Variants in CAMSAP1 observed in about 807,000 individuals in gnomAD.
CAMSAP1 encodes the protein calmodulin regulated spectrin associated protein 1, also known as calmodulin-regulated spectrin-associated protein 1.
In CAMSAP1, 58 loss-of-function variants were observed where a neutral mutation model predicts 143.5. The observed-to-expected ratio is 0.40, with a 90% confidence interval of 0.33 to 0.50. The LOEUF is 0.50. CAMSAP1 is among the 20% of genes least tolerant of loss of function. The probability of loss-of-function intolerance (pLI) is 0.45; values close to 1 mark genes in which losing one functional copy is unlikely to be tolerated. For synonymous variants in CAMSAP1, 945 were observed against 859.3 expected, an observed-to-expected ratio of 1.10 and a Z score of -1.74; for missense variants, 1,969 against 2,115.7, an observed-to-expected ratio of 0.93 and a Z score of 1.36.
intron 1 of CAMSAP1, among the ~76,000 whole-genome samples, chr9:135,890,176 T>C (rs913771295): frequency 6.6e-6 from 1 of 151,810 alleles, no homozygotes; most frequent in African/African-American, 2.4e-5. Context: ...CCCACACCCA[T>C]GGAGGCTCCG....
At chr9:135,867,359 C>A (rs1837412841) in intron 3 of CAMSAP1, among the ~76,000 whole-genome samples, 1 of 152,054 alleles carries the variant, frequency 6.6e-6, no homozygotes, top group Admixed American at 6.5e-5. Flanking sequence ...GAGTCCTTTG[C>A]AAAGGACGAG....
intron 3 of CAMSAP1, among the ~76,000 whole-genome samples, chr9:135,875,051 G>A (rs1216756695): frequency 6.6e-6 from 1 of 152,100 alleles, no homozygotes; most frequent in Non-Finnish European, 1.5e-5. Flanking sequence ...GCATGTCTGT[G>A]GGCTGGAATA....
At chr9:135,841,013 T>C (rs979381847) in intron 7 of CAMSAP1, among the ~76,000 whole-genome samples, 3 of 152,004 alleles carry the variant, frequency 2.0e-5, no homozygotes, top group Non-Finnish European at 4.4e-5. Context: ...TTCATTCCCC[T>C]GGAAAGGGTG....
At chr9:135,892,058 A>G (rs903731961) in intron 1 of CAMSAP1, among the ~76,000 whole-genome samples, 2 of 152,228 alleles carry the variant, frequency 1.3e-5, no homozygotes, top group African/African-American at 4.8e-5. Context: ...AAAAGTTCCA[A>G]CACTGTCGGT....
At chr9:135,899,791 A>G (rs910209524) in intron 1 of CAMSAP1, among the ~76,000 whole-genome samples, 1 of 151,882 alleles carries the variant, frequency 6.6e-6, no homozygotes, top group South Asian at 2.1e-4. Flanking sequence ...TGATTCTCAC[A>G]CACCTAGACT....
In CAMSAP1 at chr9:135,823,953, GT is replaced by G. The variant is rs201838505; in HGVS notation, c.1396del (p.Thr466ProfsTer46). ...GAAIAWPEKKTRPASQPTPFA... is the reference protein window; with the variant it reads ...GAAIAWPEKKXRPASQPTPFA... ...CACTGCTGAAACACAGACTCACCTG[GT>G]TTTTTTTTCTGGCCAGGCTATTGCT... On this transcript the variant is annotated frameshift_variant, in exon 10 of 17. Transcript: ENST00000389532. LOFTEE classifies it high-confidence loss of function. 32 of 1,519,330 alleles carry G rather than the reference GT, an allele frequency of 2.1e-5. No homozygotes were observed. The highest frequency in any genetic ancestry group is 1.7e-4 in the Middle Eastern group (1 of 5,840). The allele number at this position is 1,519,330 out of a possible 1,614,324, so 94.1% of individuals were successfully genotyped here. A position where few individuals can be genotyped will look rare whatever the true frequency, so the allele number is the denominator to read the frequency against.
intron 7 of CAMSAP1, among the ~76,000 whole-genome samples, chr9:135,848,506 C>A (rs547348635): frequency 9.8e-6 from 1 of 102,326 alleles, no homozygotes; most frequent in Admixed American, 8.4e-5. Context: ...TAGCCCCAGA[C>A]ACACACACAC....
intron 3 of CAMSAP1, among the ~76,000 whole-genome samples, chr9:135,869,152 T>C (rs1177674848): frequency 2.6e-5 from 4 of 151,926 alleles, no homozygotes; most frequent in South Asian, 2.1e-4. Flanking sequence ...AAAAGAACAA[T>C]ACAACCATAA....
Position 135,822,496 on chromosome 9 carries a change from CTT to C in CAMSAP1, c.2163_2164del (p.Ser722ProfsTer17), listed in dbSNP as rs1835511052. The C allele has an allele frequency of 6.2e-7, 1 of 1,613,770 alleles. No individual in the cohort carries two copies. The highest frequency in any genetic ancestry group is 1.1e-5 in the South Asian group (1 of 91,084). ...CGGCTCTGAATCGTGGGAGTTGGGG[CTT>C]TTTGAACAACTAACATATAACCTTC... On this transcript the variant is annotated frameshift_variant, in exon 11 of 17. Transcript: ENST00000389532. LOFTEE classifies it high-confidence loss of function. The surrounding 1 kb of genome is among the most constrained non-coding windows in gnomAD (Gnocchi z 6.1).
At chr9:135,866,575 G>A (rs1360324598) in intron 3 of CAMSAP1, 39 bp from the exon 4 acceptor site, 1 of 942,488 alleles carries the variant, frequency 1.1e-6, no homozygotes, top group Middle Eastern at 2.1e-4. Flanking sequence ...GGTAATTGCT[G>A]TCCCGCACAA....
At position 135,815,646 on chromosome 9, in the gene CAMSAP1, G is replaced by A. The variant is rs1462734629; in HGVS notation, c.4387+244C>T. On this transcript the variant is annotated intron_variant, in intron 15 of 16. Transcript: ENST00000389532. ...CCCGGGCTCTGCTGCCCCCAGGTCC[G>A]CTGCCCCCTGCACAGCAGACAGCAG... 2.6e-5 allele frequency among the ~76,000 whole-genome samples: 4 copies of A among 152,312 alleles called. No homozygotes were observed. In the East Asian group the frequency reaches 5.8e-4, roughly 22 times the overall value.
rs141668535 is a variant in CAMSAP1, at chr9:135,857,714, C to T, written c.808+4753G>A. 1.7e-3 allele frequency among the ~76,000 whole-genome samples: 254 copies of T among 152,234 alleles called. 1 individual carries two copies. Among genetic ancestry groups the T allele is most frequent in the Middle Eastern group, 0.01 (3 of 294 alleles). ...TCACTGTGAGTCTTTTTCCTGAGGCCGATTTCTGCAGAGAAGAATCCTTCC... is the reference window on the plus strand; with the variant it reads ...TCACTGTGAGTCTTTTTCCTGAGGCTGATTTCTGCAGAGAAGAATCCTTCC... On this transcript the variant is annotated intron_variant, in intron 5 of 16. Transcript: ENST00000389532.
At chr9:135,831,640 A>C (rs1050507520) in intron 7 of CAMSAP1, among the ~76,000 whole-genome samples, 1 of 152,200 alleles carries the variant, frequency 6.6e-6, no homozygotes, top group African/African-American at 2.4e-5. Flanking sequence ...AGATCAGAGC[A>C]GAAATAGATC....
chr9:135,815,224 C>T lies in CAMSAP1; in HGVS notation c.4388-9G>A, dbSNP rs1372951405. Reference sequence around the variant, plus strand: ...CTTAAAGAGCTTGGGACCTAAGAAACGAGGCCAGGGTTGGTAAAATTATTA... The same window carrying T: ...CTTAAAGAGCTTGGGACCTAAGAAATGAGGCCAGGGTTGGTAAAATTATTA... On this transcript the variant is annotated splice_polypyrimidine_tract_variant and intron_variant, in intron 15 of 16. Transcript: ENST00000389532. The T allele has an allele frequency of 6.9e-6, 11 of 1,586,398 alleles. No individual in the cohort carries two copies. Among genetic ancestry groups the T allele is most frequent in the Non-Finnish European group, 9.5e-6 (11 of 1,159,912 alleles).
chr9:135,862,930 A>C (rs988255187), intron 4 of CAMSAP1, among the ~76,000 whole-genome samples: 6 of 152,160 alleles, frequency 3.9e-5, no homozygotes, highest in Non-Finnish European at 8.8e-5. Flanking sequence ...AAGGACACAG[A>C]ACACACACCT....
In CAMSAP1 at chr9:135,852,903, G is replaced by A. The variant is rs140626643; in HGVS notation, c.809-2442C>T. ...TATAAACAAACACATGAATAAAGAA[G>A]CAAGCAAGTGGGGCAAACGCTGACA... On this transcript the variant is annotated intron_variant, in intron 5 of 16. Transcript: ENST00000389532. Among the ~76,000 whole-genome samples, 219 of 152,320 alleles carry A rather than the reference G, an allele frequency of 1.4e-3. 1 individual carries two copies. The highest frequency in any genetic ancestry group is 4.8e-3 in the African/African-American group (201 of 41,572).
In CAMSAP1 at chr9:135,821,546, G is replaced by C. The variant is rs1429440870; in HGVS notation, c.3115C>G (p.Leu1039Val). The change falls in exon 11 of 17, where the codon CTG becomes GTG. Residue 1039 changes from leucine (L) to valine (V), a missense_variant. Leu to Val is a conservative substitution (Grantham distance 32). Around this residue, in one of 4 missense-constraint regions of CAMSAP1, gnomAD observed 1,390 missense variants for 1,420.8 expected, o/e 0.98. Transcript: ENST00000389532. The surrounding 1 kb of genome is among the most constrained non-coding windows in gnomAD (Gnocchi z 4.6). ...TGCTCTTGCTGCTGAGAGATTTTCA[G>C]GATGGCCTGCTGCAGCGTACTGATG... is the stretch of plus-strand genomic sequence containing the variant. ...ETISTLQQAI[L>V]KISQQQEQLL... The C allele has an allele frequency of 6.2e-7, 1 of 1,614,042 alleles. No individual in the cohort carries two copies. Among genetic ancestry groups the C allele is most frequent in the Admixed American group, 1.7e-5 (1 of 60,030 alleles).
rs1005342785 is a variant in CAMSAP1 at position 135,809,352 on chromosome 9, C to T, written c.*1957G>A. 11 of 152,236 alleles carry T rather than the reference C, an allele frequency of 7.2e-5. No individual in the cohort carries two copies. Among genetic ancestry groups the T allele is most frequent in the African/African-American group, 2.7e-4 (11 of 41,454 alleles). 9.4% of individuals were successfully genotyped at this position (152,236 alleles called of 1,614,324 possible). A position where few individuals can be genotyped will look rare whatever the true frequency, so the allele number is the denominator to read the frequency against. On this transcript the variant is annotated 3_prime_UTR_variant, in exon 17 of 17. Transcript: ENST00000389532. Reference sequence around the variant, plus strand: ...AGGACAAGTTTCAGGATGTTCCACACACTGACTCATTCCATGGAGAAAATC... The same window carrying T: ...AGGACAAGTTTCAGGATGTTCCACATACTGACTCATTCCATGGAGAAAATC...
chr9:135,833,291 C>T (rs973427314), intron 7 of CAMSAP1, among the ~76,000 whole-genome samples: 3 of 151,998 alleles, frequency 2.0e-5, no homozygotes, highest in African/African-American at 7.3e-5. Context: ...CCGTTTTAGC[C>T]GGGATGGTCT....
Sources: allele counts gnomAD v4.1 joint callset (sites outside exome capture counted in the v4.1 genomes callset), GRCh38; gene constraint gnomAD v4.1.1; regional missense constraint gnomAD v4.1.1; non-coding constraint Gnocchi (gnomAD v3.1); transcripts MANE v1.5; gene names NCBI Gene and HGNC (gene_info 2026-07-23, HGNC 2026-07-21).